Variants in RCC2 observed in about 807,000 individuals in gnomAD.
RCC2 encodes protein RCC2.
Under a neutral mutation model 64.1 loss-of-function variants are expected in RCC2, and 19 were observed. The ratio of observed to expected loss-of-function variants is 0.30; its 90% CI spans 0.21 to 0.44. The LOEUF (loss-of-function observed/expected upper bound fraction) is 0.44, where lower values mean the gene tolerates loss of function less well. RCC2 is among the 20% of genes least tolerant of loss of function. The pLI is 1.00. For synonymous variants in RCC2, 325 were observed against 279.6 expected, an observed-to-expected ratio of 1.16 and a Z score of -1.62; for missense variants, 508 against 710.4, an observed-to-expected ratio of 0.72 and a Z score of 3.24.
At chr1:17,423,163 G>A (rs1225680209) in intron 4 of RCC2, among the ~76,000 whole-genome samples, 2 of 152,108 alleles carry the variant, frequency 1.3e-5, no homozygotes, top group African/African-American at 2.4e-5. Flanking sequence ...GCAGAAACAC[G>A]CCGTTCCCAC....
intron 2 of RCC2, among the ~76,000 whole-genome samples, chr1:17,432,305 G>C (rs547025234): frequency 1.9e-4 from 29 of 152,324 alleles, no homozygotes; most frequent in African/African-American, 6.5e-4. Flanking sequence ...ATATGCTACA[G>C]GTCTATATTC....
chr1:17,412,933 C>A, intron 10 of RCC2, 140 bp downstream of exon 10: 1 of 642,068 alleles, frequency 1.6e-6, no homozygotes, highest in South Asian at 1.9e-5. Context: ...CTCTGGGATT[C>A]AGTGTGTCAG....
chr1:17,431,784 C>G (rs186553536), intron 2 of RCC2, among the ~76,000 whole-genome samples: 1 of 152,022 alleles, frequency 6.6e-6, no homozygotes, highest in Non-Finnish European at 1.5e-5. Context: ...TACAGGAATG[C>G]ATCCTGCAGT....
chr1:17,421,033 C>G (rs1198316124), intron 6 of RCC2, among the ~76,000 whole-genome samples: 1 of 152,174 alleles, frequency 6.6e-6, no homozygotes, highest in African/African-American at 2.4e-5. Flanking sequence ...CCCACCCTCC[C>G]AGCACAGAGC....
chr1:17,438,616 C>T (rs953418165), intron 1 of RCC2, 94 bp from the exon 2 acceptor site: 20 of 1,175,546 alleles, frequency 1.7e-5, no homozygotes, highest in Non-Finnish European at 1.9e-5. Context: ...CCTCCACTTC[C>T]TCCTCTGCCC....
chr1:17,419,047 C>A (rs929778473), intron 7 of RCC2, among the ~76,000 whole-genome samples: 2 of 152,136 alleles, frequency 1.3e-5, no homozygotes, highest in Non-Finnish European at 2.9e-5. Flanking sequence ...GGGGTGACAG[C>A]TCTTTAAAAT....
intron 2 of RCC2, among the ~76,000 whole-genome samples, chr1:17,431,359 A>AAATATATATATATATAT (rs1553158471): frequency 6.7e-5 from 3 of 44,930 alleles, no homozygotes; most frequent in African/African-American, 3.2e-4. Context: ...AAAAAAAAAA[A>AAATATATATATATATAT]ATATATATAT....
chr1:17,435,182 T>C (rs1361349830), intron 2 of RCC2, among the ~76,000 whole-genome samples: 2 of 152,194 alleles, frequency 1.3e-5, no homozygotes, highest in Non-Finnish European at 2.9e-5. Context: ...TTTGAATTTT[T>C]TCTTAACACC....
At chr1:17,437,061 G>T (rs2075742426) in intron 2 of RCC2, among the ~76,000 whole-genome samples, 1 of 152,164 alleles carries the variant, frequency 6.6e-6, no homozygotes, top group Non-Finnish European at 1.5e-5. Flanking sequence ...CAATTTGCAG[G>T]GACATCAGGA....
At position 17,409,202 on chromosome 1, in the gene RCC2, G is replaced by A. The variant is rs72906431; in HGVS notation, c.1465-8C>T. On this transcript the variant is annotated splice_polypyrimidine_tract_variant and splice_region_variant and intron_variant, in intron 12 of 12. Transcript: ENST00000375436. ...TGAGTAGCCCATGGCGACCTGGGGG[G>A]ACAAATCAGCGTTGGGTGTGCCTGA... The A allele has an allele frequency of 6.3e-7, 1 of 1,590,734 alleles. No homozygotes were observed. The highest frequency in any genetic ancestry group is 8.6e-7 in the Non-Finnish European group (1 of 1,158,608).
chr1:17,437,930 A>G (rs1459086176), intron 2 of RCC2, among the ~76,000 whole-genome samples: 3 of 143,474 alleles, frequency 2.1e-5, no homozygotes, highest in South Asian at 2.1e-4. Flanking sequence ...GGGCGGGGCC[A>G]TGACCCCCTC....
chr1:17,425,458 T>C lies in RCC2; in HGVS notation c.523+83A>G, dbSNP rs187325069. On this transcript the variant is annotated intron_variant, in intron 4 of 12. Transcript: ENST00000375436. ...CCAGCCTTATAAGACGCGAGTCTCT[T>C]TTCCAGGCAAACAGAAGAACGTGCT... 8.6e-6 allele frequency: 12 copies of C among 1,393,402 alleles called. 1 individual carries two copies. In the Admixed American group the frequency reaches 2.6e-4, roughly 30 times the overall value. 86.3% of individuals were successfully genotyped at this position (1,393,402 alleles called of 1,614,324 possible).
intron 4 of RCC2, among the ~76,000 whole-genome samples, chr1:17,423,303 T>G (rs2075575873): frequency 1.3e-5 from 2 of 152,210 alleles, no homozygotes; most frequent in African/African-American, 4.8e-5. Context: ...TGAGGACCAT[T>G]TGGTGTCTGC....
chr1:17,424,990 G>A (rs2075597412), intron 4 of RCC2, among the ~76,000 whole-genome samples: 1 of 152,168 alleles, frequency 6.6e-6, no homozygotes, highest in Admixed American at 6.5e-5. Flanking sequence ...GCAAACTGAA[G>A]TATCTGGGGA....
At chr1:17,420,674 C>T (rs1052510049) in intron 7 of RCC2, 40 bp downstream of exon 7, 1 of 1,293,476 alleles carries the variant, frequency 7.7e-7, no homozygotes, top group African/African-American at 1.5e-5. Flanking sequence ...TGAATATATA[C>T]AGTTAGATTA....
chr1:17,424,723 C>A (rs528094457), intron 4 of RCC2, among the ~76,000 whole-genome samples: 1 of 152,252 alleles, frequency 6.6e-6, no homozygotes, highest in East Asian at 1.9e-4. Flanking sequence ...AGCCAGAGGA[C>A]CAGCGACAAA....
At chr1:17,437,447 C>G (rs1182114444) in intron 2 of RCC2, among the ~76,000 whole-genome samples, 3 of 152,060 alleles carry the variant, frequency 2.0e-5, no homozygotes, top group African/African-American at 7.2e-5. Flanking sequence ...TTCAGATCTC[C>G]GGCTCTGCAG....
intron 7 of RCC2, among the ~76,000 whole-genome samples, chr1:17,416,882 G>A (rs889825140): frequency 1.3e-5 from 2 of 152,170 alleles, no homozygotes; most frequent in Non-Finnish European, 2.9e-5. Context: ...AAAACGAATA[G>A]AACAGAATGA....
At chr1:17,432,205 T>C (rs892276202) in intron 2 of RCC2, among the ~76,000 whole-genome samples, 28 of 152,240 alleles carry the variant, frequency 1.8e-4, no homozygotes, top group African/African-American at 6.8e-4. Context: ...GCCCAGCCCC[T>C]GCAGCACCCA....
Sources: gnomAD v4.1 joint callset for allele counts (sites outside exome capture counted in the v4.1 genomes callset) on GRCh38, gnomAD v4.1.1 for gene constraint, MANE v1.5 for transcripts, NCBI Gene and HGNC (gene_info 2026-07-23, HGNC 2026-07-21) for gene names.